Variants in LZTS1 observed in about 807,000 individuals in gnomAD.
LZTS1 encodes the protein leucine zipper tumor suppressor 1, also known as leucine zipper putative tumor suppressor 1.
In LZTS1, 31 loss-of-function variants were observed where a neutral mutation model predicts 45.8. The observed-to-expected ratio is 0.68, with a 90% CI of 0.51 to 0.91. The LOEUF (loss-of-function observed/expected upper bound fraction) is 0.91, where lower values mean the gene tolerates loss of function less well. Ranked by LOEUF, LZTS1 falls within the 40% of genes least tolerant of loss-of-function variation. The pLI is 0.00. For synonymous variants in LZTS1, 359 were observed against 357.3 expected, an observed-to-expected ratio of 1.00 and a Z score of -0.05; for missense variants, 821 against 788.9, an observed-to-expected ratio of 1.04 and a Z score of -0.49.
chr8:20,255,420 C>T, intron 1 of LZTS1, 105 bp from the exon 2 acceptor site: 10 of 724,364 alleles, frequency 1.4e-5, no homozygotes, highest in Non-Finnish European at 2.1e-5. Flanking sequence ...ATGTCAGAGC[C>T]CAGCACTGTC....
At position 20,277,339 on chromosome 8, in the gene LZTS1, C is replaced by T. The variant is rs866476892; in HGVS notation, c.-134-22024G>A. Among the ~76,000 whole-genome samples, 6 of 152,178 alleles carry T rather than the reference C, an allele frequency of 3.9e-5. No homozygotes were observed. In the South Asian group the frequency reaches 6.2e-4, roughly 16 times the overall value. ...TTCTGGGAAGTACCCACCCCTTTCC[C>T]GGAAAACTCATGAATAATACACCCC... is the stretch of plus-strand genomic sequence containing the variant. On this transcript the variant is annotated intron_variant, in intron 1 of 3. Transcript: ENST00000381569.
chr8:20,263,326 T>C (rs1386767831), intron 1 of LZTS1, among the ~76,000 whole-genome samples: 3 of 151,654 alleles, frequency 2.0e-5, no homozygotes, highest in Non-Finnish European at 2.9e-5. Context: ...AGGGTCTGGA[T>C]TCATTTCAGT....
chr8:20,249,981 AGCTCGGCCCGCAGCC>A lies in LZTS1; in HGVS notation c.1517_1531del (p.Arg506_Glu510del). 1 of 1,613,740 alleles carries A rather than the reference AGCTCGGCCCGCAGCC, an allele frequency of 6.2e-7. No individual in the cohort carries two copies. On this transcript the variant is annotated inframe_deletion, in exon 4 of 4. Coordinates refer to ENST00000381569, the MANE Select transcript of LZTS1 (RefSeq NM_021020.5). ...GTCATGGCCTTGCCGCTCCTCCCGC[AGCTCGGCCCGCAGCC>A]GCTCCAGCTCCCGCTGCAGGGCAGG...
chr8:20,299,074 G>A (rs1287899138), intron 1 of LZTS1, among the ~76,000 whole-genome samples: 2 of 152,224 alleles, frequency 1.3e-5, no homozygotes. Flanking sequence ...GCTGGAGGCA[G>A]TGGTGAGAGG....
At position 20,247,347 on chromosome 8, in the gene LZTS1, TG is replaced by T. The variant is rs3832554; in HGVS notation, c.*2374del. The T allele has an allele frequency of 0.42, 59,220 of 141,452 alleles. 11,834 individuals are homozygous for T. Among genetic ancestry groups the T allele is most frequent in the Middle Eastern group, 0.51 (138 of 270 alleles). 8.8% of individuals were successfully genotyped at this position (141,452 alleles called of 1,614,324 possible). ...GACTCTGACTGCTCTTTCCTGGAGTTGGGGGGGGGTCTCCAGCCTGGGGAGG... is the reference window on the plus strand; with the variant it reads ...GACTCTGACTGCTCTTTCCTGGAGTTGGGGGGGGTCTCCAGCCTGGGGAGG... On this transcript the variant is annotated 3_prime_UTR_variant, in exon 4 of 4. Transcript: ENST00000381569.
chr8:20,303,711 C>T lies in LZTS1; in HGVS notation c.-135+29G>A, dbSNP rs1270024769. Reference sequence around the variant, plus strand: ...GCCAGGGCAGCAGACCCTCCAGGGGCGAGGAGATCCCCGGCCACCGCACCT... The same window carrying T: ...GCCAGGGCAGCAGACCCTCCAGGGGTGAGGAGATCCCCGGCCACCGCACCT... On this transcript the variant is annotated intron_variant, in intron 1 of 3. Coordinates refer to ENST00000381569, the MANE Select transcript of LZTS1 (RefSeq NM_021020.5). 4.1e-6 allele frequency: 4 copies of T among 985,348 alleles called. No individual in the cohort carries two copies. The African/African-American group carries it at 7.0e-5, about 17-fold the overall frequency. 61.0% of individuals were successfully genotyped at this position (985,348 alleles called of 1,614,324 possible).
intron 1 of LZTS1, among the ~76,000 whole-genome samples, chr8:20,269,432 GC>G (rs1800430750): frequency 1.3e-5 from 2 of 152,212 alleles, no homozygotes. Context: ...CCCCCTGCCT[GC>G]CAGATTTTTA....
At chr8:20,280,979 T>G (rs1275575733) in intron 1 of LZTS1, among the ~76,000 whole-genome samples, 1 of 152,228 alleles carries the variant, frequency 6.6e-6, no homozygotes, top group Non-Finnish European at 1.5e-5. Context: ...TTATCTGTTC[T>G]TTCAAATCAT....
At chr8:20,282,285 C>T (rs923165426) in intron 1 of LZTS1, among the ~76,000 whole-genome samples, 2 of 152,164 alleles carry the variant, frequency 1.3e-5, no homozygotes, top group South Asian at 4.1e-4. Context: ...CCCTCCAGAG[C>T]ACTGGTGGGA....
At chr8:20,268,754 T>A (rs1585289547) in intron 1 of LZTS1, among the ~76,000 whole-genome samples, 1 of 144,856 alleles carries the variant, frequency 6.9e-6, no homozygotes, top group African/African-American at 2.6e-5. Flanking sequence ...GTTGCTGAGG[T>A]GCTGGGGGGA....
At chr8:20,293,980 G>T (rs566879314) in intron 1 of LZTS1, among the ~76,000 whole-genome samples, 3 of 152,226 alleles carry the variant, frequency 2.0e-5, no homozygotes, top group Non-Finnish European at 2.9e-5. Context: ...AAAATGGAAA[G>T]AACTGGGTTC....
chr8:20,271,703 G>A (rs1800477888), intron 1 of LZTS1, among the ~76,000 whole-genome samples: 1 of 152,240 alleles, frequency 6.6e-6, no homozygotes, highest in Non-Finnish European at 1.5e-5. Context: ...CAGGGATGGT[G>A]GAAAAGCGCC....
At chr8:20,251,140 T>TATATAA (rs1799894138) in intron 3 of LZTS1, among the ~76,000 whole-genome samples, 1 of 86,466 alleles carries the variant, frequency 1.2e-5, no homozygotes, top group African/African-American at 4.9e-5. Context: ...TATATATATA[T>TATATAA]ATATATATAA....
rs767677007 is a variant in LZTS1 at position 20,254,831 on chromosome 8, G to A, written c.345+6C>T. The stretch of plus-strand genomic sequence containing the variant: ...CCACTTACCCTTGCCAGCGACCCCC[G>A]CTTACCATTTCTAGCTGATTGGAGA... On this transcript the variant is annotated splice_donor_region_variant and intron_variant, in intron 2 of 3. Coordinates refer to ENST00000381569, the MANE Select transcript of LZTS1 (RefSeq NM_021020.5). 1.1e-5 allele frequency: 18 copies of A among 1,598,004 alleles called. No individual in the cohort carries two copies. The South Asian group carries it at 1.5e-4, about 13-fold the overall frequency.
chr8:20,261,966 C>A (rs1313978114), intron 1 of LZTS1, among the ~76,000 whole-genome samples: 1 of 152,226 alleles, frequency 6.6e-6, no homozygotes, highest in African/African-American at 2.4e-5. Flanking sequence ...TCCTTCTCCC[C>A]CTCTCCGTCC....
At chr8:20,250,533 T>TC (rs983507160) in intron 3 of LZTS1, among the ~76,000 whole-genome samples, 170 bp from the exon 4 acceptor site, 5 of 152,212 alleles carry the variant, frequency 3.3e-5, no homozygotes, top group Admixed American at 6.5e-5. Context: ...TGTGACCTTT[T>TC]CCCCAGGTTA....
Position 20,253,546 on chromosome 8 carries a change from G to A in LZTS1, c.385C>T (p.Pro129Ser), listed in dbSNP as rs1800007622. The change falls in exon 3 of 4, where the codon CCT (proline) becomes TCT (serine). Residue 129 changes from proline to serine, a missense_variant. Transcript: ENST00000381569. ...KGAVRPTAFK[P>S]VLPRSGAILH... Reference sequence around the variant, plus strand: ...ATGGCTCCTGACCGTGGCAGCACAGGCTTGAAGGCTGTGGGCCTCACTGCA... The same window carrying A: ...ATGGCTCCTGACCGTGGCAGCACAGACTTGAAGGCTGTGGGCCTCACTGCA... 2.0e-6 allele frequency: 3 copies of A among 1,501,286 alleles called. No homozygotes were observed. The highest frequency in any genetic ancestry group is 4.7e-5 in the East Asian group (2 of 42,146). 93.0% of individuals were successfully genotyped at this position (1,501,286 alleles called of 1,614,324 possible).
intron 1 of LZTS1, among the ~76,000 whole-genome samples, chr8:20,262,059 T>C (rs761753609): frequency 1.0e-3 from 158 of 152,362 alleles, no homozygotes; most frequent in African/African-American, 3.6e-3. Context: ...GCTGTGCTTC[T>C]GGCATCTCTG....
chr8:20,253,640 C>T, intron 2 of LZTS1, 55 bp from the exon 3 acceptor site: 1 of 1,355,166 alleles, frequency 7.4e-7, no homozygotes, highest in Non-Finnish European at 9.7e-7. Context: ...CGCATTGCAC[C>T]CTCCCTCCCC....
Sources: gnomAD v4.1 joint callset for allele counts (sites outside exome capture counted in the v4.1 genomes callset) on GRCh38, gnomAD v4.1.1 for gene constraint, MANE v1.5 for transcripts, NCBI Gene and HGNC (gene_info 2026-07-23, HGNC 2026-07-21) for gene names.